RALYL: variants seen among roughly 807,000 people sequenced by gnomAD.
The protein encoded by RALYL is RALY RNA binding protein like, also known as RNA-binding Raly-like protein.
A neutral mutation model predicts 35.1 loss-of-function variants in RALYL; 29 were observed. That is an observed-to-expected ratio of 0.83 (90% confidence interval 0.61 to 1.13). The LOEUF is 1.13. Ranked by LOEUF, RALYL falls within the 50% of genes most tolerant of loss-of-function variation. The pLI, the probability that RALYL is intolerant of heterozygous loss-of-function variation, is 0.00. For synonymous variants in RALYL, 120 were observed against 127.6 expected, an observed-to-expected ratio of 0.94 and a Z score of 0.40; for missense variants, 359 against 360.4, an observed-to-expected ratio of 1.00 and a Z score of 0.03.
intron 1 of RALYL, among the ~76,000 whole-genome samples, chr8:84,292,667 G>A (rs924650593): frequency 1.3e-5 from 2 of 152,116 alleles, no homozygotes; most frequent in Admixed American, 6.5e-5. Flanking sequence ...CATCCTCACT[G>A]CTACACTCTC....
At chr8:84,774,412 C>T (rs1816333262) in intron 2 of RALYL, among the ~76,000 whole-genome samples, 167 bp from the exon 3 acceptor site, 1 of 152,188 alleles carries the variant, frequency 6.6e-6, no homozygotes, top group Non-Finnish European at 1.5e-5. Context: ...ATATCCCAAA[C>T]AGTGCCTGAC....
At chr8:84,409,690 A>G (rs949985391) in intron 1 of RALYL, among the ~76,000 whole-genome samples, 5 of 152,000 alleles carry the variant, frequency 3.3e-5, no homozygotes, top group Non-Finnish European at 7.4e-5. Flanking sequence ...CTTGTACTGG[A>G]CCAAAGATTG....
intron 2 of RALYL, among the ~76,000 whole-genome samples, chr8:84,575,582 C>T (rs974028253): frequency 3.6e-4 from 55 of 152,242 alleles, no homozygotes; most frequent in African/African-American, 1.2e-3. Context: ...GCTGACACAG[C>T]AAAGGCTCAT....
chr8:84,369,037 G>A (rs899538295), intron 1 of RALYL, among the ~76,000 whole-genome samples: 3 of 152,146 alleles, frequency 2.0e-5, no homozygotes, highest in African/African-American at 7.2e-5. Flanking sequence ...TGAGCTATAT[G>A]CATAAGGGAT....
At chr8:84,581,433 T>C (rs945983018) in intron 2 of RALYL, among the ~76,000 whole-genome samples, 23 of 152,178 alleles carry the variant, frequency 1.5e-4, no homozygotes, top group African/African-American at 5.3e-4. Context: ...ATTTCATGTC[T>C]ATATGCCCAG....
At chr8:84,534,915 A>G (rs2059498838) in intron 2 of RALYL, among the ~76,000 whole-genome samples, 1 of 152,208 alleles carries the variant, frequency 6.6e-6, no homozygotes, top group South Asian at 2.1e-4. Context: ...ATATAATCCA[A>G]TCTTTAATAA....
At chr8:84,835,437 G>A (rs535446496) in intron 4 of RALYL, among the ~76,000 whole-genome samples, 8 of 149,796 alleles carry the variant, frequency 5.3e-5, no homozygotes, top group African/African-American at 2.0e-4. Flanking sequence ...GCAGGCCGAG[G>A]TGAGCGGATC....
chr8:84,231,903 G>T (rs1241632143), intron 1 of RALYL, among the ~76,000 whole-genome samples: 1 of 152,088 alleles, frequency 6.6e-6, no homozygotes, highest in African/African-American at 2.4e-5. Context: ...TCAGGAAACT[G>T]AGAAACAAAT....
At chr8:84,377,444 G>A (rs1176352616) in intron 1 of RALYL, among the ~76,000 whole-genome samples, 1 of 131,144 alleles carries the variant, frequency 7.6e-6, no homozygotes, top group East Asian at 2.2e-4. Flanking sequence ...ATCATCAAAG[G>A]TTAACTGTTT....
At chr8:84,689,235 G>A (rs1360344891) in intron 2 of RALYL, among the ~76,000 whole-genome samples, 4 of 151,844 alleles carry the variant, frequency 2.6e-5, no homozygotes, top group Admixed American at 6.6e-5. Flanking sequence ...CCCAACCCCC[G>A]ACCGCACAAC....
intron 1 of RALYL, among the ~76,000 whole-genome samples, chr8:84,498,537 T>C (rs575281200): frequency 7.2e-5 from 11 of 152,284 alleles, no homozygotes; most frequent in African/African-American, 2.2e-4. Context: ...TAGATGCACT[T>C]CTAACCTTTC....
chr8:84,293,414 T>G (rs1307676623), intron 1 of RALYL, among the ~76,000 whole-genome samples: 1 of 152,090 alleles, frequency 6.6e-6, no homozygotes, highest in Non-Finnish European at 1.5e-5. Flanking sequence ...ATCCTAATGA[T>G]TATAGAAAAG....
chr8:84,301,784 G>A (rs139553053), intron 1 of RALYL, among the ~76,000 whole-genome samples: 1,683 of 152,070 alleles, frequency 0.011, 29 homozygotes, highest in African/African-American at 0.038. Flanking sequence ...GAAACATTGA[G>A]AAAGTGTTTT....
chr8:84,535,767 C>T (rs2059568279), intron 2 of RALYL, among the ~76,000 whole-genome samples: 1 of 151,998 alleles, frequency 6.6e-6, no homozygotes, highest in Non-Finnish European at 1.5e-5. Context: ...GCCACCGCGC[C>T]CGGCCGCATC....
chr8:84,495,218 C>A (rs1052226413), intron 1 of RALYL, among the ~76,000 whole-genome samples: 9 of 152,012 alleles, frequency 5.9e-5, no homozygotes, highest in African/African-American at 1.4e-4. Flanking sequence ...TCAGCATCAT[C>A]TTTGAAGAAT....
intron 3 of RALYL, among the ~76,000 whole-genome samples, chr8:84,780,920 G>A (rs770635381): frequency 7.9e-5 from 12 of 152,220 alleles, no homozygotes; most frequent in Middle Eastern, 6.8e-3. Context: ...AACAGTGGGC[G>A]TGATCTCAGC....
At chr8:84,591,190 A>C (rs879461656) in intron 2 of RALYL, among the ~76,000 whole-genome samples, 1 of 152,174 alleles carries the variant, frequency 6.6e-6, no homozygotes, top group Non-Finnish European at 1.5e-5. Context: ...AAAACTGTGA[A>C]GAGTCTGAGT....
chr8:84,839,021 G>C (rs553512322), intron 4 of RALYL, among the ~76,000 whole-genome samples: 49 of 152,360 alleles, frequency 3.2e-4, no homozygotes, highest in Non-Finnish European at 5.7e-4. Context: ...AACAGCTCCA[G>C]TCTACAGCTC....
chr8:84,654,284 T>C (rs1474999347), intron 2 of RALYL, among the ~76,000 whole-genome samples: 1 of 95,142 alleles, frequency 1.1e-5, no homozygotes, highest in African/African-American at 5.6e-5. Context: ...TATATATATA[T>C]ATATATATAT....
Sources: gnomAD v4.1 joint callset for allele counts (sites outside exome capture counted in the v4.1 genomes callset) on GRCh38, gnomAD v4.1.1 for gene constraint, MANE v1.5 for transcripts, NCBI Gene and HGNC (gene_info 2026-07-23, HGNC 2026-07-21) for gene names.